Variants in SYBU observed in about 807,000 individuals in gnomAD.
SYBU encodes the protein syntabulin, also known as GOLSYN A protein.
In SYBU, 21 loss-of-function variants were observed where a neutral mutation model predicts 35.9. The ratio of observed to expected loss-of-function variants is 0.58; its 90% CI spans 0.41 to 0.84. The LOEUF is 0.84. Among genes scored for constraint, SYBU ranks in the 40% least tolerant of loss-of-function variants. The pLI is 0.00. For missense variants in SYBU, 768 were observed against 848.2 expected (o/e 0.91, Z 1.17); for synonymous variants, 319 against 324.3 (o/e 0.98, Z 0.18).
intron 1 of SYBU, among the ~76,000 whole-genome samples, chr8:109,677,780 G>A (rs1021526407): frequency 2.0e-4 from 31 of 152,024 alleles, no homozygotes; most frequent in African/African-American, 7.5e-4. Context: ...GACTAAGATG[G>A]GTCTCAGACA....
At chr8:109,585,090 C>T (rs1823460985) in intron 4 of SYBU, among the ~76,000 whole-genome samples, 1 of 152,126 alleles carries the variant, frequency 6.6e-6, no homozygotes, top group Non-Finnish European at 1.5e-5. Context: ...TATTATTTTT[C>T]AATTTATTGT....
intron 1 of SYBU, among the ~76,000 whole-genome samples, chr8:109,686,160 T>C (rs1817514256): frequency 6.6e-6 from 1 of 152,054 alleles, no homozygotes; most frequent in Admixed American, 6.5e-5. Flanking sequence ...TTTTTTTCTT[T>C]CTGTACCTAA....
At chr8:109,653,120 T>C (rs1197208990) in intron 1 of SYBU, among the ~76,000 whole-genome samples, 1 of 152,156 alleles carries the variant, frequency 6.6e-6, no homozygotes, top group Non-Finnish European at 1.5e-5. Context: ...CAGGTAAATC[T>C]CTCTAAAACA....
At chr8:109,653,196 A>T (rs114822891) in intron 1 of SYBU, among the ~76,000 whole-genome samples, 4,223 of 152,180 alleles carry the variant, frequency 0.028, 188 homozygotes, top group African/African-American at 0.093. Context: ...TTTATTTTTT[A>T]AAAAAATACT....
At chr8:109,684,789 T>C (rs958812465), upstream of SYBU, among the ~76,000 whole-genome samples, 2 of 152,216 alleles carry the variant, frequency 1.3e-5, no homozygotes, top group African/African-American at 4.8e-5. Flanking sequence ...TTTTTCTTCC[T>C]CTTCTTTCTA....
chr8:109,683,916 TGAA>T (rs1817461672), upstream of SYBU, among the ~76,000 whole-genome samples: 1 of 152,202 alleles, frequency 6.6e-6, no homozygotes, highest in African/African-American at 2.4e-5. Flanking sequence ...TGCCACCATG[TGAA>T]GAAGGATGTG....
intron 2 of SYBU, among the ~76,000 whole-genome samples, chr8:109,636,620 C>T (rs1814258138): frequency 6.6e-6 from 1 of 152,168 alleles, no homozygotes; most frequent in South Asian, 2.1e-4. Context: ...CTGCCTCCTT[C>T]AGTGAATCTA....
chr8:109,617,953 G>A (rs2022930), intron 3 of SYBU, among the ~76,000 whole-genome samples: 24,862 of 152,144 alleles, frequency 0.16, 2,245 homozygotes, highest in East Asian at 0.4. Context: ...CACAGGGCTA[G>A]GCCTTGGCCC....
intron 2 of SYBU, among the ~76,000 whole-genome samples, chr8:109,629,131 T>G (rs1427837923): frequency 6.6e-6 from 1 of 152,166 alleles, no homozygotes; most frequent in Non-Finnish European, 1.5e-5. Context: ...GGCAAAGGGA[T>G]GCAGAAGCCC....
intron 1 of SYBU, among the ~76,000 whole-genome samples, chr8:109,657,348 T>G (rs1816392265): frequency 6.6e-6 from 1 of 152,178 alleles, no homozygotes; most frequent in Admixed American, 6.5e-5. Flanking sequence ...TCTAAGTTTC[T>G]TTTTCCCTTC....
At position 109,574,947 on chromosome 8, in the gene SYBU, G is replaced by A; in HGVS notation, c.1951C>T (p.Leu651=). The A allele has an allele frequency of 6.6e-7, 1 of 1,518,418 alleles. No individual in the cohort carries two copies. Among genetic ancestry groups the A allele is most frequent in the South Asian group, 1.3e-5 (1 of 75,390 alleles). 94.1% of individuals were successfully genotyped at this position (1,518,418 alleles called of 1,614,324 possible). The stretch of plus-strand genomic sequence containing the variant: ...AAGGCGGTGCGGCGGAGCGAATGCA[G>A]GGCAACCACGCAACAGCCCCTGAGC... ...ALLRGCCVVA[L]HSLRRTAFRI... is the part of the protein sequence containing the mutation. The change falls in exon 7 of 7, where the codon CTG becomes TTG. Residue 651 remains leucine, a synonymous_variant. Coordinates refer to ENST00000276646, the MANE Select transcript of SYBU (RefSeq NM_001099754.2).
At chr8:109,595,197 C>T (rs904118798) in intron 3 of SYBU, among the ~76,000 whole-genome samples, 5 of 152,024 alleles carry the variant, frequency 3.3e-5, no homozygotes, top group South Asian at 4.2e-4. Context: ...AGGAATGAGG[C>T]GAGGCTGTTG....
At chr8:109,661,835 T>C (rs752479624) in intron 1 of SYBU, among the ~76,000 whole-genome samples, 5 of 152,174 alleles carry the variant, frequency 3.3e-5, no homozygotes, top group Non-Finnish European at 7.3e-5. Flanking sequence ...AACATGCATG[T>C]TTACCAACTT....
At chr8:109,667,058 G>C (rs1816779142) in intron 1 of SYBU, among the ~76,000 whole-genome samples, 1 of 152,136 alleles carries the variant, frequency 6.6e-6, no homozygotes, top group African/African-American at 2.4e-5. Context: ...GTAGCAGCTT[G>C]AACTAACTTA....
At chr8:109,588,985 C>A (rs562105690) in intron 3 of SYBU, among the ~76,000 whole-genome samples, 15 of 152,168 alleles carry the variant, frequency 9.9e-5, no homozygotes, top group Non-Finnish European at 2.2e-4. Context: ...CATGGCAAAA[C>A]CCTGTCTCTA....
intron 3 of SYBU, among the ~76,000 whole-genome samples, chr8:109,613,383 T>G (rs1811402490): frequency 6.6e-6 from 1 of 152,178 alleles, no homozygotes; most frequent in African/African-American, 2.4e-5. Context: ...TTCACCTATT[T>G]CATATTTTCC....
intron 1 of SYBU, among the ~76,000 whole-genome samples, chr8:109,654,799 CCTG>C (rs1255495941): frequency 3.3e-5 from 5 of 152,182 alleles, no homozygotes; most frequent in Admixed American, 3.3e-4. Context: ...GACCCTGACA[CCTG>C]GGTGACATTC....
intron 2 of SYBU, among the ~76,000 whole-genome samples, chr8:109,632,487 A>G (rs1322259848): frequency 1.3e-5 from 2 of 152,212 alleles, no homozygotes; most frequent in Non-Finnish European, 2.9e-5. Context: ...GAATCTGAAC[A>G]TGGTAATGGT....
chr8:109,601,882 G>A (rs1825569565), intron 3 of SYBU, among the ~76,000 whole-genome samples: 1 of 152,174 alleles, frequency 6.6e-6, no homozygotes. Flanking sequence ...GGGCAAGAGG[G>A]AACTATGACA....
Sources: allele counts gnomAD v4.1 joint callset (sites outside exome capture counted in the v4.1 genomes callset), GRCh38; gene constraint gnomAD v4.1.1; transcripts MANE v1.5; gene names NCBI Gene and HGNC (gene_info 2026-07-23, HGNC 2026-07-21).